Variants in DSCAM observed in about 807,000 individuals in gnomAD.
The protein encoded by DSCAM is cell adhesion molecule DSCAM.
In DSCAM, 47 loss-of-function variants were observed where a neutral mutation model predicts 217.7. That is an observed-to-expected ratio of 0.22 (90% confidence interval 0.17 to 0.28). The LOEUF (loss-of-function observed/expected upper bound fraction) is 0.28, where lower values mean the gene tolerates loss of function less well. Among genes scored for constraint, DSCAM ranks in the 10% least tolerant of loss-of-function variants. The pLI is 1.00. For missense variants in DSCAM, 2,080 were observed against 2,618.3 expected (o/e 0.79, Z 4.49); for synonymous variants, 1,056 against 1,015.3 (o/e 1.04, Z -0.76).
intron 9 of DSCAM, among the ~76,000 whole-genome samples, chr21:40,300,505 C>A (rs1569050276): frequency 6.6e-6 from 1 of 152,248 alleles, no homozygotes; most frequent in Non-Finnish European, 1.5e-5. Flanking sequence ...CACCTCCACA[C>A]ACTTTGCCAG....
intron 3 of DSCAM, among the ~76,000 whole-genome samples, chr21:40,632,290 T>C (rs2089702110): frequency 7.2e-6 from 1 of 138,448 alleles, no homozygotes; most frequent in Admixed American, 8.4e-5. Flanking sequence ...TTATGAATAC[T>C]TGTCATTCTG....
chr21:40,472,722 G>A (rs2075899149), intron 3 of DSCAM, among the ~76,000 whole-genome samples: 1 of 152,060 alleles, frequency 6.6e-6, no homozygotes, highest in African/African-American at 2.4e-5. Flanking sequence ...TGGTTTGTGT[G>A]TTTAAATGTA....
chr21:40,225,328 A>G (rs2091322535), intron 11 of DSCAM, among the ~76,000 whole-genome samples: 1 of 152,170 alleles, frequency 6.6e-6, no homozygotes, highest in South Asian at 2.1e-4. Context: ...GACCAAGCCC[A>G]TGACATCTGC....
intron 3 of DSCAM, among the ~76,000 whole-genome samples, chr21:40,517,424 C>A (rs1342013099): frequency 6.6e-6 from 1 of 151,510 alleles, no homozygotes; most frequent in Non-Finnish European, 1.5e-5. Flanking sequence ...CACACACACA[C>A]ACACACACAC....
In DSCAM at chr21:40,768,259, A is replaced by C. The variant is rs532677136; in HGVS notation, c.44-59488T>G. On this transcript the variant is annotated intron_variant, in intron 1 of 32. Coordinates refer to ENST00000400454, the MANE Select transcript of DSCAM (RefSeq NM_001389.5). ...CTGAATTGCACCCAGATGGCACCCCAGTGGCTCTGAGCCAAGACAGGTGGC... is the reference window on the plus strand; with the variant it reads ...CTGAATTGCACCCAGATGGCACCCCCGTGGCTCTGAGCCAAGACAGGTGGC... Among the ~76,000 whole-genome samples, 3 of 152,134 alleles carry C rather than the reference A, an allele frequency of 2.0e-5. No individual in the cohort carries two copies. In the East Asian group the frequency reaches 5.8e-4, roughly 30 times the overall value.
intron 11 of DSCAM, among the ~76,000 whole-genome samples, chr21:40,229,668 C>T (rs1239481446): frequency 6.6e-6 from 1 of 152,192 alleles, no homozygotes; most frequent in Non-Finnish European, 1.5e-5. Context: ...AGTGGTTTGA[C>T]TCATCATTCT....
chr21:40,314,561 A>G (rs2074175517), intron 8 of DSCAM, among the ~76,000 whole-genome samples: 1 of 152,180 alleles, frequency 6.6e-6, no homozygotes, highest in African/African-American at 2.4e-5. Context: ...GTATTTCTTT[A>G]AATCTCTTGC....
chr21:40,749,296 GA>G (rs367577738), intron 1 of DSCAM, among the ~76,000 whole-genome samples: 8 of 151,622 alleles, frequency 5.3e-5, no homozygotes, highest in South Asian at 4.2e-4. Context: ...ACAGAATGGG[GA>G]AAAAAAACTA....
intron 2 of DSCAM, among the ~76,000 whole-genome samples, chr21:40,698,210 C>A (rs1398469694): frequency 6.6e-6 from 1 of 152,144 alleles, no homozygotes; most frequent in Non-Finnish European, 1.5e-5. Context: ...TGTGAGAAAA[C>A]ATTTTAAATG....
rs141976025 is a variant in DSCAM, at chr21:40,470,918, G to A, written c.509-101673C>T. ...TTGCAATATTGATTCAGTAGTCTTA[G>A]AATGCCACATGTAGAAGACAAATTA... On this transcript the variant is annotated intron_variant, in intron 3 of 32. Transcript: ENST00000400454. Among the ~76,000 whole-genome samples, 609 of 152,286 alleles carry A rather than the reference G, an allele frequency of 4.0e-3. 3 individuals carry two copies. The highest frequency in any genetic ancestry group is 0.014 in the African/African-American group (582 of 41,552).
At chr21:40,475,658 C>G (rs1014668701) in intron 3 of DSCAM, among the ~76,000 whole-genome samples, 1 of 152,090 alleles carries the variant, frequency 6.6e-6, no homozygotes, top group Non-Finnish European at 1.5e-5. Context: ...TGGTGAGACC[C>G]CATCTCTACT....
chr21:40,741,416 C>T (rs2091122441), intron 1 of DSCAM, among the ~76,000 whole-genome samples: 2 of 152,016 alleles, frequency 1.3e-5, no homozygotes, highest in East Asian at 1.9e-4. Flanking sequence ...CTGTTTTCCA[C>T]CTATGCACAC....
chr21:40,500,471 A>G (rs1342873790), intron 3 of DSCAM, among the ~76,000 whole-genome samples: 1 of 152,218 alleles, frequency 6.6e-6, no homozygotes. Context: ...AGACCTCACT[A>G]TTGAATGTCA....
chr21:40,658,769 G>GA (rs1011467941), intron 3 of DSCAM, among the ~76,000 whole-genome samples: 10 of 152,024 alleles, frequency 6.6e-5, no homozygotes, highest in African/African-American at 2.2e-4. Flanking sequence ...TATTTACCTA[G>GA]AAAAATGAAA....
chr21:40,662,035 C>T (rs1251336696), intron 3 of DSCAM, among the ~76,000 whole-genome samples: 3 of 152,120 alleles, frequency 2.0e-5, no homozygotes, highest in Non-Finnish European at 4.4e-5. Flanking sequence ...GTAACATGCC[C>T]AGCCTTGTGG....
chr21:40,014,149 G>A (rs1374284079), intron 32 of DSCAM, among the ~76,000 whole-genome samples: 4 of 152,178 alleles, frequency 2.6e-5, no homozygotes, highest in Non-Finnish European at 4.4e-5. Context: ...CTAGAACTTC[G>A]GGAGGCCGAG....
chr21:40,564,659 A>AT (rs2146192776), intron 3 of DSCAM, among the ~76,000 whole-genome samples: 1 of 152,170 alleles, frequency 6.6e-6, no homozygotes, highest in Middle Eastern at 3.4e-3. Flanking sequence ...TACTCATGGG[A>AT]TTGTTTTCAA....
chr21:40,577,848 A>G (rs1351921236), intron 3 of DSCAM, among the ~76,000 whole-genome samples: 1 of 152,178 alleles, frequency 6.6e-6, no homozygotes, highest in East Asian at 1.9e-4. Context: ...GTTATCAATC[A>G]GACGAAATCC....
intron 3 of DSCAM, among the ~76,000 whole-genome samples, chr21:40,445,670 T>C (rs2075668922): frequency 6.6e-6 from 1 of 152,258 alleles, no homozygotes; most frequent in South Asian, 2.1e-4. Context: ...AAAATCCAGT[T>C]AGGATTTAGA....
Sources: gnomAD v4.1 joint callset for allele counts (sites outside exome capture counted in the v4.1 genomes callset) on GRCh38, gnomAD v4.1.1 for gene constraint, MANE v1.5 for transcripts, NCBI Gene and HGNC (gene_info 2026-07-23, HGNC 2026-07-21) for gene names.